LITAF: variants seen among roughly 807,000 people sequenced by gnomAD.
The protein encoded by LITAF is lipopolysaccharide-induced tumor necrosis factor-alpha factor.
In LITAF, 9 loss-of-function variants were observed where a neutral mutation model predicts 14.5. The ratio of observed to expected loss-of-function variants is 0.62; its 90% CI spans 0.37 to 1.08. The LOEUF is 1.08. LITAF is among the 50% of genes least tolerant of loss of function. The pLI is 0.01. For synonymous variants in LITAF, 98 were observed against 88.2 expected, an observed-to-expected ratio of 1.11 and a Z score of -0.62; for missense variants, 206 against 213.4, an observed-to-expected ratio of 0.97 and a Z score of 0.22.
intron 1 of LITAF, among the ~76,000 whole-genome samples, chr16:11,585,574 T>A (rs1216934897): frequency 6.6e-6 from 1 of 152,178 alleles, no homozygotes; most frequent in East Asian, 1.9e-4. Flanking sequence ...GAATTCCAGA[T>A]ACCAGCCTGC....
intron 2 of LITAF, among the ~76,000 whole-genome samples, chr16:11,635,069 TA>T (rs1567269976): frequency 1.3e-5 from 1 of 77,798 alleles, no homozygotes; most frequent in South Asian, 3.3e-4. Context: ...TAAAATAAAA[TA>T]AAATAAAATA....
At chr16:11,569,044 A>T (rs181374299) in intron 1 of LITAF, among the ~76,000 whole-genome samples, 240 of 152,206 alleles carry the variant, frequency 1.6e-3, no homozygotes, top group Non-Finnish European at 2.2e-3. Context: ...CTCTGGTGAA[A>T]TGGCCAACAG....
chr16:11,613,351 G>A (rs1471056286), intron 3 of LITAF, among the ~76,000 whole-genome samples: 1 of 152,196 alleles, frequency 6.6e-6, no homozygotes, highest in African/African-American at 2.4e-5. Context: ...TTGACAGAGA[G>A]ACCAGACCTC....
At chr16:11,611,816 C>T (rs2064983712) in intron 3 of LITAF, among the ~76,000 whole-genome samples, 1 of 152,090 alleles carries the variant, frequency 6.6e-6, no homozygotes. Flanking sequence ...GTGTGCGCCA[C>T]CATGCCTGGA....
At position 11,549,173 on chromosome 16, in the gene LITAF, G is replaced by C. The variant is rs1394971252; in HGVS notation, c.*464C>G. 6.6e-6 allele frequency: 3 copies of C among 454,152 alleles called. No homozygotes were observed. The highest frequency in any genetic ancestry group is 6.9e-5 in the East Asian group (1 of 14,404). The allele number at this position is 454,152 out of a possible 1,614,324, so 28.1% of individuals were successfully genotyped here. ...AGATCTTTGTCATCAGGGACGGGAA[G>C]AGACGGATAAGATAATGGTAGGCAC... On this transcript the variant is annotated 3_prime_UTR_variant, in exon 4 of 4. Transcript: ENST00000622633. This position sits in a 1 kb window ranked among gnomAD's most constrained non-coding sequence, Gnocchi z 4.6.
chr16:11,628,319 C>T (rs2141903092), intron 3 of LITAF, among the ~76,000 whole-genome samples: 1 of 152,266 alleles, frequency 6.6e-6, no homozygotes. Flanking sequence ...TCTCCTTTCT[C>T]TTCCAGCTAA....
chr16:11,554,822 G>C (rs1305873656), intron 2 of LITAF, among the ~76,000 whole-genome samples: 1 of 150,608 alleles, frequency 6.6e-6, no homozygotes, highest in Admixed American at 6.6e-5. Flanking sequence ...AGAGAACCCA[G>C]GGTGATGAAA....
chr16:11,551,890 G>A, intron 3 of LITAF: 2 of 436,410 alleles, frequency 4.6e-6, no homozygotes, highest in East Asian at 3.7e-5. Context: ...TAAAAAATTT[G>A]TTTTAATACA....
chr16:11,593,354 C>CAAAAAAAAAAAAAAAAAAA, intron 1 of LITAF, among the ~76,000 whole-genome samples: 1 of 54,752 alleles, frequency 1.8e-5, no homozygotes, highest in Non-Finnish European at 3.3e-5. Context: ...AACTCTGTCT[C>CAAAAAAAAAAAAAAAAAAA]AAAAAAAAAA....
chr16:11,556,726 G>T lies in LITAF; in HGVS notation c.5C>A (p.Ser2Ter). 1 of 1,613,734 alleles carries T rather than the reference G, an allele frequency of 6.2e-7. No individual in the cohort carries two copies. Among genetic ancestry groups the T allele is most frequent in the South Asian group, 1.1e-5 (1 of 91,028 alleles). M[S>*]VPGPYQAATG... ...GGCCGCCTGGTAAGGTCCTGGAACC[G>T]ACATTTTACCTAAAACAGAAACAGA... The change falls in exon 2 of 4, where the codon TCG becomes TAG. Residue 2 changes from serine (S) to a stop codon, truncating the protein, a stop_gained. Transcript: ENST00000622633. LOFTEE classifies it high-confidence loss of function.
At chr16:11,610,240 C>G (rs867273513) in intron 3 of LITAF, among the ~76,000 whole-genome samples, 1 of 152,242 alleles carries the variant, frequency 6.6e-6, no homozygotes, top group Non-Finnish European at 1.5e-5. Flanking sequence ...AACAGGGGAT[C>G]TCTATCGGCA....
chr16:11,625,923 G>T (rs1363711107), intron 3 of LITAF, among the ~76,000 whole-genome samples: 3 of 152,072 alleles, frequency 2.0e-5, no homozygotes, highest in African/African-American at 7.2e-5. Context: ...CATGACCCCA[G>T]TGCCCATGAG....
At chr16:11,555,451 A>C (rs765291639) in intron 2 of LITAF, among the ~76,000 whole-genome samples, 1 of 152,178 alleles carries the variant, frequency 6.6e-6, no homozygotes, top group South Asian at 2.1e-4. Context: ...GTTTGAGCTC[A>C]GGAGTTAAAG....
upstream of LITAF, among the ~76,000 whole-genome samples, chr16:11,591,555 G>A (rs10852338): frequency 0.37 from 55,972 of 151,490 alleles, 10,628 homozygotes; most frequent in East Asian, 0.53. Flanking sequence ...CATAAGAATA[G>A]ACATATAAAT....
chr16:11,635,004 AGCCTG>A (rs1243946539), intron 2 of LITAF, among the ~76,000 whole-genome samples: 1 of 152,268 alleles, frequency 6.6e-6, no homozygotes, highest in East Asian at 1.9e-4. Context: ...ATTGCACTCC[AGCCTG>A]GGCATCACAG....
chr16:11,618,729 A>G (rs1179619491), intron 3 of LITAF, among the ~76,000 whole-genome samples: 2 of 152,124 alleles, frequency 1.3e-5, no homozygotes, highest in African/African-American at 4.8e-5. Flanking sequence ...TCACACCTGT[A>G]ATCCCAGCAC....
chr16:11,555,658 CAA>C (rs5815645), intron 2 of LITAF, among the ~76,000 whole-genome samples: 34,002 of 121,818 alleles, frequency 0.28, 4,070 homozygotes, highest in African/African-American at 0.37. Flanking sequence ...GACCCTGTCT[CAA>C]AAAAAAAAAA....
At position 11,605,444 on chromosome 16, in the gene LITAF, C is replaced by T. The variant is rs35645297; in HGVS notation, c.85+28089G>A. 0.39 allele frequency among the ~76,000 whole-genome samples: 59,482 copies of T among 151,940 alleles called. 12,786 individuals carry two copies. The highest frequency in any genetic ancestry group is 0.5 in the Middle Eastern group (147 of 294). On this transcript the variant is annotated intron_variant, in intron 3 of 3. Coordinates refer to the LITAF transcript ENST00000574848. This position sits in a 1 kb window ranked among gnomAD's most constrained non-coding sequence, Gnocchi z 4.7. ...CTAGCACTGCCCTGGGCTCCCTTCA[C>T]AGTGTGGGGGACCCCTTCCCAGCCC...
chr16:11,611,943 G>A (rs899932198), intron 3 of LITAF, among the ~76,000 whole-genome samples: 2 of 152,194 alleles, frequency 1.3e-5, no homozygotes, highest in Non-Finnish European at 1.5e-5. Context: ...GGGATGACAG[G>A]TGTGAGCCGC....
Sources: allele counts gnomAD v4.1 joint callset (sites outside exome capture counted in the v4.1 genomes callset), GRCh38; gene constraint gnomAD v4.1.1; non-coding constraint Gnocchi (gnomAD v3.1); transcripts MANE v1.5; gene names NCBI Gene and HGNC (gene_info 2026-07-23, HGNC 2026-07-21).